MACF1: variants seen among roughly 807,000 people sequenced by gnomAD.
MACF1 encodes the protein microtubule-actin cross-linking factor 1.
Under a neutral mutation model 854.8 loss-of-function variants are expected in MACF1, and 193 were observed. The ratio of observed to expected loss-of-function variants is 0.23; its 90% CI spans 0.20 to 0.25. The LOEUF (loss-of-function observed/expected upper bound fraction) is 0.25. Among genes scored for constraint, MACF1 ranks in the 10% least tolerant of loss-of-function variants. The pLI, the probability that MACF1 is intolerant of heterozygous loss-of-function variation, is 1.00. For synonymous variants in MACF1, 3,185 were observed against 3,226.7 expected, an observed-to-expected ratio of 0.99 and a Z score of 0.44; for missense variants, 7,722 against 8,929.1, an observed-to-expected ratio of 0.86 and a Z score of 5.45.
At chr1:39,169,013 GTC>G (rs1557494721) in intron 2 of MACF1, among the ~76,000 whole-genome samples, 2 of 152,140 alleles carry the variant, frequency 1.3e-5, no homozygotes, top group African/African-American at 2.4e-5. Context: ...CATTCTTCCA[GTC>G]TCTGAGATTA....
chr1:39,370,447 T>C (rs541027047), intron 51 of MACF1, among the ~76,000 whole-genome samples: 2 of 152,300 alleles, frequency 1.3e-5, no homozygotes, highest in South Asian at 4.1e-4. Flanking sequence ...AAATTGAGGA[T>C]AGAAGAACTA....
At chr1:39,113,270 C>T (rs999558966) in intron 2 of MACF1, among the ~76,000 whole-genome samples, 2 of 152,060 alleles carry the variant, frequency 1.3e-5, no homozygotes, top group African/African-American at 4.8e-5. Context: ...ATATAGTGCA[C>T]ACAGTGAGCT....
intron 2 of MACF1, among the ~76,000 whole-genome samples, chr1:39,139,373 C>T (rs918954739): frequency 1.7e-4 from 25 of 151,480 alleles, no homozygotes; most frequent in African/African-American, 5.6e-4. Flanking sequence ...TCTCCTGCCT[C>T]AGCATCCCAA....
At chr1:39,267,375 C>T (rs372201172) in intron 6 of MACF1, among the ~76,000 whole-genome samples, 8 of 152,080 alleles carry the variant, frequency 5.3e-5, no homozygotes, top group African/African-American at 9.7e-5. Context: ...GGACTAAGGG[C>T]GCATGCCACT....
chr1:39,195,120 T>C (rs1644304529), intron 2 of MACF1, among the ~76,000 whole-genome samples: 1 of 152,212 alleles, frequency 6.6e-6, no homozygotes, highest in Non-Finnish European at 1.5e-5. Flanking sequence ...AAGTTCACTG[T>C]TAAAGATGGT....
At chr1:39,261,300 G>A (rs1645161279) in intron 6 of MACF1, among the ~76,000 whole-genome samples, 1 of 151,692 alleles carries the variant, frequency 6.6e-6, no homozygotes, top group Admixed American at 6.6e-5. Flanking sequence ...GTTTATTTTA[G>A]GAAAATGCAT....
intron 2 of MACF1, among the ~76,000 whole-genome samples, chr1:39,133,231 T>G (rs1643056163): frequency 6.6e-6 from 1 of 152,080 alleles, no homozygotes; most frequent in Admixed American, 6.6e-5. Flanking sequence ...TGGGGTGTGG[T>G]GGGAGCTGGT....
rs768740385 is a variant in MACF1, at chr1:39,460,878, C to T, written c.21523+84C>T. On this transcript the variant is annotated intron_variant, in intron 92 of 100. Transcript: ENST00000564288. The surrounding 1 kb of genome is among the most constrained non-coding windows in gnomAD (Gnocchi z 4.1). ...AGCTGTGATATTCTAGCTAAACAGT[C>T]TTTCTGAAGCTGGCCAGGAGCTTGG... 2.0e-6 allele frequency: 3 copies of T among 1,492,700 alleles called. No homozygotes were observed. Among genetic ancestry groups the T allele is most frequent in the Non-Finnish European group, 2.8e-6 (3 of 1,081,680 alleles). The allele number at this position is 1,492,700 out of a possible 1,614,324, so 92.5% of individuals were successfully genotyped here.
rs1054670836 is a variant in MACF1 at position 39,462,042 on chromosome 1, G to A, written c.21678+5G>A. The A allele has an allele frequency of 3.7e-6, 6 of 1,613,402 alleles. No homozygotes were observed. Among genetic ancestry groups the A allele is most frequent in the Non-Finnish European group, 5.1e-6 (6 of 1,179,702 alleles). ...GCAGATAAAATCGAAGATGAGGTAA[G>A]GGAAATAATTATATTTTGAGTACAC... On this transcript the variant is annotated splice_donor_5th_base_variant and intron_variant, in intron 93 of 100. Transcript: ENST00000564288.
chr1:39,344,115 C>CA lies in MACF1; in HGVS notation c.10582-2849dup, dbSNP rs61427648. Reference sequence around the variant, plus strand: ...GGGCAACAAGAGGGAAACTCCATCTCAAAAAAAAAAAAAGAAAAAAAGTTT... The same window carrying CA: ...GGGCAACAAGAGGGAAACTCCATCTCAAAAAAAAAAAAAAGAAAAAAAGTTT... On this transcript the variant is annotated intron_variant, in intron 40 of 100. Transcript: ENST00000564288. 8.5e-3 allele frequency among the ~76,000 whole-genome samples: 805 copies of CA among 94,696 alleles called. 9 individuals carry two copies. The highest frequency in any genetic ancestry group is 0.025 in the African/African-American group (606 of 24,610). 62.1% of individuals were successfully genotyped at this position (94,696 alleles called of 152,430 possible).
chr1:39,111,472 T>C (rs1382388222), intron 2 of MACF1, among the ~76,000 whole-genome samples: 1 of 151,850 alleles, frequency 6.6e-6, no homozygotes, highest in East Asian at 1.9e-4. Context: ...AAGCTCCGCC[T>C]CCCAGGTTCA....
intron 97 of MACF1, among the ~76,000 whole-genome samples, chr1:39,476,095 T>C (rs184798833): frequency 1.3e-5 from 2 of 152,352 alleles, no homozygotes; most frequent in East Asian, 3.9e-4. Flanking sequence ...CTCATGCTCA[T>C]AGCACAATAA....
chr1:39,179,836 G>A (rs950244296), intron 2 of MACF1, among the ~76,000 whole-genome samples: 1 of 151,984 alleles, frequency 6.6e-6, no homozygotes. Context: ...CCAACATGGT[G>A]AAACCCCGTC....
At chr1:39,118,151 C>T (rs528365260) in intron 2 of MACF1, among the ~76,000 whole-genome samples, 3 of 152,380 alleles carry the variant, frequency 2.0e-5, no homozygotes, top group South Asian at 2.1e-4. Flanking sequence ...CTTGGCTCTT[C>T]TGGTACAGTT....
chr1:39,174,773 C>A (rs1272450548), intron 2 of MACF1, among the ~76,000 whole-genome samples: 2 of 152,130 alleles, frequency 1.3e-5, no homozygotes. Flanking sequence ...GGCCCCTGAT[C>A]CTCCAAATTT....
rs1009166962 is a variant in MACF1 at position 39,228,238 on chromosome 1, G to T, written c.110-2944G>T. Among the ~76,000 whole-genome samples, 5 of 152,082 alleles carry T rather than the reference G, an allele frequency of 3.3e-5. 1 individual carries two copies. Among genetic ancestry groups the T allele is most frequent in the South Asian group, 4.1e-4 (2 of 4,828 alleles). On this transcript the variant is annotated intron_variant, in intron 1 of 100. Coordinates refer to ENST00000564288, the MANE Select transcript of MACF1 (RefSeq NM_001394062.1). ...AGGCAGGAGAATCGCTGGAACCCAG[G>T]GGGCAGAGTTGCACTGAGCCGAGAT...
chr1:39,469,616 G>T lies in MACF1; in HGVS notation c.21958+1G>T. The T allele has an allele frequency of 1.3e-6, 2 of 1,550,386 alleles. No individual in the cohort carries two copies. The highest frequency in any genetic ancestry group is 2.4e-5 in the East Asian group (1 of 40,922). ...TCGATTTCCAGTCAGTCTCCCATAGGTTGGCTTTTAAGCTTTGTCCCTCTT... is the reference window on the plus strand; with the variant it reads ...TCGATTTCCAGTCAGTCTCCCATAGTTTGGCTTTTAAGCTTTGTCCCTCTT... On this transcript the variant is annotated splice_donor_variant, in intron 97 of 100. Transcript: ENST00000564288. LOFTEE classifies it high-confidence loss of function.
chr1:39,477,075 A>AGTG lies in MACF1; in HGVS notation c.21959-2723_21959-2722insGTG, dbSNP rs1331285017. Among the ~76,000 whole-genome samples the AGTG allele has an allele frequency of 2.9e-4, 15 of 51,308 alleles. 1 individual carries two copies. The East Asian group carries it at 3.3e-3, about 11-fold the overall frequency. 33.7% of individuals were successfully genotyped at this position (51,308 alleles called of 152,430 possible). On this transcript the variant is annotated intron_variant, in intron 97 of 100. Coordinates refer to ENST00000564288, the MANE Select transcript of MACF1 (RefSeq NM_001394062.1). ...TATATATATATATATATATATATATATATATATATATATATACACACACAC... is the reference window on the plus strand; with the variant it reads ...TATATATATATATATATATATATATAGTGTATATATATATATATACACACACAC...
At chr1:39,251,999 T>C in intron 4 of MACF1, 58 bp downstream of exon 4, 1 of 1,223,416 alleles carries the variant, frequency 8.2e-7, no homozygotes, top group Non-Finnish European at 1.1e-6. Flanking sequence ...TGCAGGGCCA[T>C]CAGAGTCTGA....
Sources: gnomAD v4.1 joint callset for allele counts (sites outside exome capture counted in the v4.1 genomes callset) on GRCh38, gnomAD v4.1.1 for gene constraint, Gnocchi (gnomAD v3.1) non-coding constraint, MANE v1.5 for transcripts, NCBI Gene and HGNC (gene_info 2026-07-23, HGNC 2026-07-21) for gene names.